Variants in DISC1 observed in about 807,000 individuals in gnomAD.
The protein encoded by DISC1 is DISC1 scaffold protein.
Under a neutral mutation model 84.5 loss-of-function variants are expected in DISC1, and 57 were observed. That is an observed-to-expected ratio of 0.67 (90% CI 0.55 to 0.84). The LOEUF (loss-of-function observed/expected upper bound fraction) is 0.84, where lower values mean the gene tolerates loss of function less well. Ranked by LOEUF, DISC1 falls within the 40% of genes least tolerant of loss-of-function variation. DISC1 has a pLI of 0.00. For missense variants in DISC1, 1,000 were observed against 1,057.8 expected, an observed-to-expected ratio of 0.95 and a Z score of 0.76; for synonymous variants, 411 against 415.2, an observed-to-expected ratio of 0.99 and a Z score of 0.12.
chr1:231,934,576 A>C (rs2126114956), intron 9 of DISC1, among the ~76,000 whole-genome samples: 1 of 152,288 alleles, frequency 6.6e-6, no homozygotes. Context: ...TTTAGTATTA[A>C]TTTTTCTTAA....
intron 9 of DISC1, among the ~76,000 whole-genome samples, chr1:231,904,237 C>T (rs1207506578): frequency 6.6e-6 from 1 of 152,216 alleles, no homozygotes; most frequent in Non-Finnish European, 1.5e-5. Context: ...ACATGTTGTT[C>T]CAGGCCAGAC....
chr1:231,725,772 C>A (rs1361776922), intron 3 of DISC1, among the ~76,000 whole-genome samples: 1 of 151,910 alleles, frequency 6.6e-6, no homozygotes, highest in Non-Finnish European at 1.5e-5. Flanking sequence ...GAGAAAAGTT[C>A]AGTTAGTGCT....
intron 11 of DISC1, among the ~76,000 whole-genome samples, chr1:232,011,808 T>A (rs566803406): frequency 6.6e-6 from 1 of 151,590 alleles, no homozygotes; most frequent in East Asian, 1.9e-4. Flanking sequence ...GTCTACCTAT[T>A]TAAAAACCGG....
intron 10 of DISC1, among the ~76,000 whole-genome samples, chr1:231,975,612 C>A (rs1662678298): frequency 6.6e-6 from 1 of 152,066 alleles, no homozygotes; most frequent in Non-Finnish European, 1.5e-5. Flanking sequence ...CAATGAAATA[C>A]ATAAAATGCA....
chr1:231,888,488 T>G (rs541224849), intron 9 of DISC1, among the ~76,000 whole-genome samples: 10 of 151,782 alleles, frequency 6.6e-5, no homozygotes, highest in Non-Finnish European at 1.3e-4. Context: ...CTCACACCTG[T>G]AATCCCAGCA....
rs1209710970 is a variant in DISC1, at chr1:231,626,886, CAGGGCGCCCCAGCCGCCGCCGG to C, written c.20_41del (p.Gln7ProfsTer5). 2.0e-6 allele frequency: 3 copies of C among 1,493,126 alleles called. No homozygotes were observed. The South Asian group carries it at 3.8e-5, about 19-fold the overall frequency. The allele number at this position is 1,493,126 out of a possible 1,614,324, so 92.5% of individuals were successfully genotyped here. On this transcript the variant is annotated frameshift_variant, in exon 1 of 13. Transcript: ENST00000439617. LOFTEE classifies it high-confidence loss of function. ...GGGGCGCATGCCAGGCGGGGGTCCT[CAGGGCGCCCCAGCCGCCGCCGG>C]CGGCGGCGGCGTGAGCCACCGCGCA...
chr1:231,755,845 G>A (rs1262524407), intron 4 of DISC1, among the ~76,000 whole-genome samples: 1 of 152,186 alleles, frequency 6.6e-6, no homozygotes, highest in African/African-American at 2.4e-5. Flanking sequence ...CTGCACGTCA[G>A]TGCCTTAGTT....
chr1:231,863,349 G>T (rs914786163), intron 9 of DISC1, among the ~76,000 whole-genome samples: 3 of 142,122 alleles, frequency 2.1e-5, no homozygotes. Flanking sequence ...TCCCACCTCA[G>T]CCTCCACAGT....
intron 8 of DISC1, among the ~76,000 whole-genome samples, chr1:231,809,083 G>C (rs2080011779): frequency 6.6e-6 from 1 of 152,194 alleles, no homozygotes; most frequent in Admixed American, 6.5e-5. Flanking sequence ...TGTGTGAATG[G>C]CCTGTTTAAA....
rs3083755 is a variant in DISC1, at chr1:231,916,654, CA to C, written c.1982-42155del. ...TGGGCGACAGAGCGAGACTCCGTCTCAAAAAAAAAAAAAAAAAAAGAAAGTT... is the reference window on the plus strand; with the variant it reads ...TGGGCGACAGAGCGAGACTCCGTCTCAAAAAAAAAAAAAAAAAAGAAAGTT... On this transcript the variant is annotated intron_variant, in intron 9 of 12. Transcript: ENST00000439617. 3.4e-3 allele frequency among the ~76,000 whole-genome samples: 351 copies of C among 102,048 alleles called. 3 individuals are homozygous for C. Among genetic ancestry groups the C allele is most frequent in the East Asian group, 0.027 (107 of 3,928 alleles). The allele number at this position is 102,048 out of a possible 152,430, so 66.9% of individuals were successfully genotyped here. A position where few individuals can be genotyped will look rare whatever the true frequency, so the allele number is the denominator to read the frequency against.
intron 9 of DISC1, among the ~76,000 whole-genome samples, chr1:231,914,330 G>A (rs576369488): frequency 3.9e-5 from 6 of 152,314 alleles, no homozygotes; most frequent in South Asian, 2.1e-4. Flanking sequence ...GTCTGCAAGC[G>A]GAGCTGAAAT....
chr1:231,887,551 A>C (rs890949121), intron 9 of DISC1, among the ~76,000 whole-genome samples: 2 of 152,222 alleles, frequency 1.3e-5, no homozygotes, highest in African/African-American at 4.8e-5. Flanking sequence ...TATAATCCCT[A>C]TCCCCACACT....
In DISC1 at chr1:231,954,900, A is replaced by G. The variant is rs750817507; in HGVS notation, c.1982-3928A>G. Among the ~76,000 whole-genome samples, 21 of 152,208 alleles carry G rather than the reference A, an allele frequency of 1.4e-4. No individual in the cohort carries two copies. The highest frequency in any genetic ancestry group is 6.5e-4 in the Admixed American group (10 of 15,282). On this transcript the variant is annotated intron_variant, in intron 9 of 12. Transcript: ENST00000439617. This position sits in a 1 kb window ranked among gnomAD's most constrained non-coding sequence, Gnocchi z 4.8. ...AGATAAGTTGGGTCCAAAGAAAGTA[A>G]TAGTTCAACATAGCATTCTCCTTAG...
chr1:231,690,375 G>A (rs1222171052), intron 1 of DISC1, among the ~76,000 whole-genome samples: 6 of 152,168 alleles, frequency 3.9e-5, no homozygotes, highest in African/African-American at 1.4e-4. Flanking sequence ...TGGGTGGAAC[G>A]AGGCATCTCT....
intron 9 of DISC1, among the ~76,000 whole-genome samples, chr1:231,912,697 C>G (rs540219370): frequency 6.6e-6 from 1 of 152,162 alleles, no homozygotes; most frequent in African/African-American, 2.4e-5. Flanking sequence ...AACCACCACT[C>G]TCTTCAAAGC....
intron 3 of DISC1, chr1:231,722,815 G>A: frequency 2.1e-6 from 3 of 1,444,564 alleles, no homozygotes; most frequent in Non-Finnish European, 2.7e-6. Flanking sequence ...AAACCAGGTG[G>A]GCATTTCTGC....
At chr1:231,641,388 T>C (rs1480471762) in intron 1 of DISC1, among the ~76,000 whole-genome samples, 2 of 152,016 alleles carry the variant, frequency 1.3e-5, no homozygotes, top group Non-Finnish European at 2.9e-5. Flanking sequence ...TTACAGCTCT[T>C]AAGGCGGCGC....
chr1:231,661,064 A>G (rs531150744), intron 1 of DISC1, among the ~76,000 whole-genome samples: 2 of 152,252 alleles, frequency 1.3e-5, no homozygotes, highest in Admixed American at 1.3e-4. Context: ...ACTGTAGAAT[A>G]TTGGCCCACA....
At chr1:231,788,200 G>A (rs1274912324) in intron 6 of DISC1, among the ~76,000 whole-genome samples, 1 of 152,110 alleles carries the variant, frequency 6.6e-6, no homozygotes, top group African/African-American at 2.4e-5. Context: ...CAGGAGAATC[G>A]CTTGAACCCA....
Sources: gnomAD v4.1 joint callset for allele counts (sites outside exome capture counted in the v4.1 genomes callset) on GRCh38, gnomAD v4.1.1 for gene constraint, Gnocchi (gnomAD v3.1) non-coding constraint, MANE v1.5 for transcripts, NCBI Gene and HGNC (gene_info 2026-07-23, HGNC 2026-07-21) for gene names.